The following DENND1A variants were observed in gnomAD, a reference collection of about 807,000 sequenced individuals.
DENND1A encodes DENN domain-containing protein 1A.
Under a neutral mutation model 113.7 loss-of-function variants are expected in DENND1A, and 51 were observed. That is an observed-to-expected ratio of 0.45 (90% CI 0.36 to 0.57). DENND1A has a LOEUF of 0.57. Among genes scored for constraint, DENND1A ranks in the 20% least tolerant of loss-of-function variants. The probability of loss-of-function intolerance (pLI) is 0.00; values close to 1 mark genes in which losing one functional copy is unlikely to be tolerated. For missense variants in DENND1A, 1,258 were observed against 1,395.9 expected (o/e 0.90, Z 1.57); for synonymous variants, 565 against 570.8 (o/e 0.99, Z 0.14).
At chr9:123,813,721 T>G (rs1052732093) in intron 2 of DENND1A, among the ~76,000 whole-genome samples, 2 of 152,006 alleles carry the variant, frequency 1.3e-5, no homozygotes, top group African/African-American at 2.4e-5. Flanking sequence ...GTAAAAAAAA[T>G]TAGGCAAAAG....
At chr9:123,566,913 C>CCACAGA (rs1554883178) in intron 12 of DENND1A, among the ~76,000 whole-genome samples, 3 of 147,336 alleles carry the variant, frequency 2.0e-5, no homozygotes, top group African/African-American at 7.5e-5. Context: ...CTTTAACACA[C>CCACAGA]CACACACACA....
At chr9:123,688,705 A>G (rs1377972958) in intron 5 of DENND1A, among the ~76,000 whole-genome samples, 1 of 152,188 alleles carries the variant, frequency 6.6e-6, no homozygotes, top group Non-Finnish European at 1.5e-5. Flanking sequence ...GAGGAGGCTG[A>G]AGAGCTGGGA....
At chr9:123,687,137 C>G (rs114243192) in intron 5 of DENND1A, among the ~76,000 whole-genome samples, 1 of 152,064 alleles carries the variant, frequency 6.6e-6, no homozygotes, top group Non-Finnish European at 1.5e-5. Context: ...GAAGGAGAGA[C>G]GGGCACACAG....
intron 1 of DENND1A, among the ~76,000 whole-genome samples, chr9:123,913,735 G>A (rs866085930): frequency 6.6e-6 from 1 of 150,452 alleles, no homozygotes; most frequent in African/African-American, 2.4e-5. Context: ...GAGAAACCCC[G>A]TCTCTACTAA....
chr9:123,744,059 A>G (rs1473738174), intron 5 of DENND1A, among the ~76,000 whole-genome samples: 1 of 152,188 alleles, frequency 6.6e-6, no homozygotes, highest in Non-Finnish European at 1.5e-5. Flanking sequence ...AGGTGGTTAT[A>G]ATTTTTCCAA....
chr9:123,695,126 G>A (rs557121072), intron 5 of DENND1A, among the ~76,000 whole-genome samples: 29 of 152,138 alleles, frequency 1.9e-4, no homozygotes, highest in Admixed American at 5.9e-4. Context: ...TTTGGGACTC[G>A]GACTGGCTCT....
At position 123,521,123 on chromosome 9, in the gene DENND1A, G is replaced by A. The variant is rs886385144; in HGVS notation, c.993+36447C>T. Among the ~76,000 whole-genome samples, 48 of 152,024 alleles carry A rather than the reference G, an allele frequency of 3.2e-4. 1 individual carries two copies. Among genetic ancestry groups the A allele is most frequent in the Admixed American group, 5.9e-4 (9 of 15,252 alleles). ...ACGCCGAGACACATTACCAAGACGC[G>A]GTTCCCCAGATGAAATTTCATCCAG... On this transcript the variant is annotated intron_variant, in intron 13 of 23. Transcript: ENST00000394215.
At chr9:123,495,127 C>T (rs2051754749) in intron 13 of DENND1A, among the ~76,000 whole-genome samples, 1 of 127,046 alleles carries the variant, frequency 7.9e-6, no homozygotes, top group South Asian at 2.9e-4. Context: ...CTATTATGAC[C>T]CATCATTGTC....
At chr9:123,927,202 C>T (rs1371998713) in intron 1 of DENND1A, among the ~76,000 whole-genome samples, 1 of 152,234 alleles carries the variant, frequency 6.6e-6, no homozygotes, top group Non-Finnish European at 1.5e-5. Flanking sequence ...TCTGATCAAA[C>T]ACGAAATCTC....
intron 20 of DENND1A, among the ~76,000 whole-genome samples, chr9:123,410,014 T>C (rs2044181324): frequency 6.6e-6 from 1 of 151,972 alleles, no homozygotes; most frequent in African/African-American, 2.4e-5. Context: ...ATGGTGTGAA[T>C]CCAGGAGGCG....
chr9:123,729,657 C>A (rs1331302949), intron 5 of DENND1A, among the ~76,000 whole-genome samples: 1 of 152,184 alleles, frequency 6.6e-6, no homozygotes, highest in Non-Finnish European at 1.5e-5. Context: ...ATAGAAGAAT[C>A]AGTATCATGA....
At chr9:123,427,547 T>C (rs1381097534) in intron 19 of DENND1A, among the ~76,000 whole-genome samples, 2 of 152,224 alleles carry the variant, frequency 1.3e-5, no homozygotes, top group African/African-American at 2.4e-5. Context: ...CCCTGGTTAA[T>C]GTCTGACCTT....
chr9:123,889,698 C>T (rs753124852), intron 1 of DENND1A, among the ~76,000 whole-genome samples: 40 of 152,242 alleles, frequency 2.6e-4, no homozygotes, highest in Non-Finnish European at 5.4e-4. Context: ...AGAGGCCGGG[C>T]GTGGTGGCTC....
At chr9:123,459,539 T>C (rs547774821) in intron 13 of DENND1A, among the ~76,000 whole-genome samples, 1 of 146,418 alleles carries the variant, frequency 6.8e-6, no homozygotes, top group Non-Finnish European at 1.5e-5. Context: ...TACCCTGAGT[T>C]AAAAAAAAAA....
intron 2 of DENND1A, among the ~76,000 whole-genome samples, chr9:123,829,958 T>C (rs1839939607): frequency 6.6e-6 from 1 of 152,094 alleles, no homozygotes; most frequent in Non-Finnish European, 1.5e-5. Flanking sequence ...TAAACAAAAT[T>C]TTAGCAAAAG....
At chr9:123,895,193 C>T (rs1358685930) in intron 1 of DENND1A, among the ~76,000 whole-genome samples, 1 of 152,108 alleles carries the variant, frequency 6.6e-6, no homozygotes, top group Non-Finnish European at 1.5e-5. Flanking sequence ...TTCAGCCTCC[C>T]TAGGTGCTGG....
At chr9:123,659,495 C>T (rs958983509) in intron 8 of DENND1A, among the ~76,000 whole-genome samples, 1 of 152,112 alleles carries the variant, frequency 6.6e-6, no homozygotes, top group Non-Finnish European at 1.5e-5. Context: ...GTTCTTCAGC[C>T]CTCAGCCACA....
At chr9:123,818,137 G>A (rs1387771376) in intron 2 of DENND1A, among the ~76,000 whole-genome samples, 1 of 152,006 alleles carries the variant, frequency 6.6e-6, no homozygotes, top group Non-Finnish European at 1.5e-5. Context: ...GAGTCTCGCT[G>A]TCGCCCAGGC....
chr9:123,615,899 T>A (rs1175886576), intron 10 of DENND1A, among the ~76,000 whole-genome samples: 1 of 152,230 alleles, frequency 6.6e-6, no homozygotes, highest in Admixed American at 6.5e-5. Flanking sequence ...TTATCTCATT[T>A]AATCCTCAAA....
Sources: gnomAD v4.1 joint callset for allele counts (sites outside exome capture counted in the v4.1 genomes callset) on GRCh38, gnomAD v4.1.1 for gene constraint, MANE v1.5 for transcripts, NCBI Gene and HGNC (gene_info 2026-07-23, HGNC 2026-07-21) for gene names.